UPF2: variants seen among roughly 807,000 people sequenced by gnomAD.
The protein encoded by UPF2 is regulator of nonsense transcripts 2.
In UPF2, 17 loss-of-function variants were observed where a neutral mutation model predicts 141.4. That is an observed-to-expected ratio of 0.12 (90% CI 0.08 to 0.18). UPF2 has a LOEUF of 0.18. Among genes scored for constraint, UPF2 ranks in the 10% least tolerant of loss-of-function variants. The pLI, the probability that UPF2 is intolerant of heterozygous loss-of-function variation, is 1.00. For missense variants in UPF2, 1,152 were observed against 1,515.9 expected, an observed-to-expected ratio of 0.76 and a Z score of 3.99; for synonymous variants, 540 against 498.0, an observed-to-expected ratio of 1.08 and a Z score of -1.12.
At chr10:12,007,847 T>TAATAAA (rs1834060460) in intron 4 of UPF2, among the ~76,000 whole-genome samples, 1 of 131,728 alleles carries the variant, frequency 7.6e-6, no homozygotes, top group African/African-American at 2.6e-5. Flanking sequence ...ATAATAATAA[T>TAATAAA]AATAATAATA....
At chr10:11,951,265 G>A (rs1450132177) in intron 15 of UPF2, among the ~76,000 whole-genome samples, 1 of 152,098 alleles carries the variant, frequency 6.6e-6, no homozygotes, top group Admixed American at 6.6e-5. Flanking sequence ...GTTTTGCCAT[G>A]TTGGCCAGGC....
At chr10:12,027,615 C>G (rs957493124) in intron 3 of UPF2, among the ~76,000 whole-genome samples, 10 of 152,160 alleles carry the variant, frequency 6.6e-5, no homozygotes, top group Admixed American at 4.6e-4. Flanking sequence ...AAACACAAAA[C>G]AAGGATAAGC....
chr10:12,025,417 A>G (rs56209219), intron 3 of UPF2, among the ~76,000 whole-genome samples: 32,249 of 151,928 alleles, frequency 0.21, 3,774 homozygotes, highest in East Asian at 0.46. Context: ...TGGGTGTAGC[A>G]GCGCAGGCCT....
At chr10:11,960,726 T>C (rs573380727) in intron 11 of UPF2, among the ~76,000 whole-genome samples, 15 of 151,656 alleles carry the variant, frequency 9.9e-5, no homozygotes, top group Non-Finnish European at 1.8e-4. Context: ...GCTATGATCA[T>C]GCCACTGCAC....
Position 11,955,463 on chromosome 10 carries a change from C to A in UPF2, c.2619G>T (p.Lys873Asn), listed in dbSNP as rs781330543. The change falls in exon 14 of 22, where the codon AAG (lysine) becomes AAT (asparagine). Residue 873 changes from lysine to asparagine, a missense_variant. Around this residue, in one of 4 missense-constraint regions of UPF2, gnomAD observed 739 missense variants for 1,032.2 expected, o/e 0.72. Transcript: ENST00000357604. ...GGTAATTGTAAAGTTCTCCTAAGAA[C>A]TTGGCACTGCTGATGCGCCTCTGAT... ...KFNQRRISSAKFLGELYNYRM... is the reference protein window; with the variant it reads ...KFNQRRISSANFLGELYNYRM... The A allele has an allele frequency of 6.2e-7, 1 of 1,613,926 alleles. No homozygotes were observed. Among genetic ancestry groups the A allele is most frequent in the Non-Finnish European group, 8.5e-7 (1 of 1,179,984 alleles).
intron 21 of UPF2, among the ~76,000 whole-genome samples, chr10:11,922,440 A>C (rs1412002018): frequency 6.6e-6 from 1 of 152,260 alleles, no homozygotes; most frequent in Non-Finnish European, 1.5e-5. Flanking sequence ...AAAGAACACA[A>C]GTATTCCCTG....
intron 12 of UPF2, among the ~76,000 whole-genome samples, chr10:11,958,276 CAA>C (rs1380078354): frequency 4.6e-5 from 7 of 152,206 alleles, no homozygotes; most frequent in African/African-American, 1.7e-4. Flanking sequence ...AAACCATAAT[CAA>C]AGTCTTTCCA....
chr10:11,967,377 C>A lies in UPF2; in HGVS notation c.2031G>T (p.Lys677Asn). Residue 677 changes from lysine to asparagine, a missense_variant, in exon 10 of 22, where the codon AAG becomes AAT. This residue lies in a region of UPF2 where 739 missense variants were observed against 1,032.2 expected (regional missense o/e 0.72). Coordinates refer to ENST00000357604, the MANE Select transcript of UPF2 (RefSeq NM_015542.4). ...VRFIGELTKF[K>N]MFTKNDTLHC... ...GCAGTGTGTCATTTTTGGTGAACATCTTAAACTTAGTTAGTTCTCCTATAA... is the reference window on the plus strand; with the variant it reads ...GCAGTGTGTCATTTTTGGTGAACATATTAAACTTAGTTAGTTCTCCTATAA... 6.3e-7 allele frequency: 1 copy of A among 1,588,568 alleles called. No homozygotes were observed. Among genetic ancestry groups the A allele is most frequent in the South Asian group, 1.2e-5 (1 of 84,986 alleles).
At chr10:11,967,195 T>C in intron 10 of UPF2, 146 bp downstream of exon 10, 2 of 471,318 alleles carry the variant, frequency 4.2e-6, no homozygotes, top group Non-Finnish European at 7.4e-6. Context: ...GTTTTGTATT[T>C]TGCACACTTG....
At chr10:11,928,738 G>C (rs1355199933) in intron 21 of UPF2, 1 of 347,334 alleles carries the variant, frequency 2.9e-6, no homozygotes, top group Non-Finnish European at 5.6e-6. Flanking sequence ...AACCATAAAA[G>C]AGGTCTTATT....
In UPF2 at chr10:12,029,473, A is replaced by G. The variant is rs779634406; in HGVS notation, c.417T>C (p.His139=). ...TTTTGCTACGAAGTTCCTTTCTTAAATGATGTCGTTCCCAAGCTTCCTGAT... is the reference window on the plus strand; with the variant it reads ...TTTTGCTACGAAGTTCCTTTCTTAAGTGATGTCGTTCCCAAGCTTCCTGAT... The part of the protein sequence containing the change: ...QLHQEAWERH[H]LRKELRSKNQ... The change falls in exon 3 of 22, where the codon CAT becomes CAC. Residue 139 remains histidine (H), a synonymous_variant. Transcript: ENST00000357604. 2 of 1,610,502 alleles carry G rather than the reference A, an allele frequency of 1.2e-6. No individual in the cohort carries two copies. The highest frequency in any genetic ancestry group is 1.1e-5 in the South Asian group (1 of 89,786).
chr10:11,942,589 T>G, intron 18 of UPF2, 76 bp downstream of exon 18: 1 of 1,389,838 alleles, frequency 7.2e-7, no homozygotes. Context: ...AGGAGAGGCC[T>G]TCACATGAAC....
At chr10:11,943,593 C>T (rs577021364) in intron 16 of UPF2, among the ~76,000 whole-genome samples, 45 of 152,266 alleles carry the variant, frequency 3.0e-4, no homozygotes, top group African/African-American at 1.0e-3. Context: ...ACAGCATTAC[C>T]TTTTACAAAG....
intron 2 of UPF2, 132 bp from the exon 3 acceptor site, chr10:12,029,656 C>T: frequency 9.6e-7 from 1 of 1,040,192 alleles, no homozygotes; most frequent in Non-Finnish European, 1.3e-6. Context: ...AAAGGCCTTT[C>T]ACTACTTTTA....
chr10:12,004,005 G>A (rs1471149705), intron 5 of UPF2, among the ~76,000 whole-genome samples: 14 of 151,424 alleles, frequency 9.2e-5, no homozygotes, highest in Admixed American at 5.3e-4. Context: ...ACAGTAACCC[G>A]GGTGAGAGAG....
At chr10:11,965,818 T>G (rs1461077543) in intron 10 of UPF2, among the ~76,000 whole-genome samples, 3 of 152,206 alleles carry the variant, frequency 2.0e-5, no homozygotes, top group Non-Finnish European at 4.4e-5. Context: ...TGTTTAATTT[T>G]GTTTACCTCA....
At chr10:11,946,625 G>A (rs1477115714) in intron 16 of UPF2, among the ~76,000 whole-genome samples, 2 of 152,024 alleles carry the variant, frequency 1.3e-5, no homozygotes, top group East Asian at 1.9e-4. Flanking sequence ...TATTCTATTC[G>A]TATCTTTACT....
In UPF2 at chr10:11,942,982, C is replaced by A. The variant is rs878863894; in HGVS notation, c.3279+82G>T. 50 of 1,105,178 alleles carry A rather than the reference C, an allele frequency of 4.5e-5. No individual in the cohort carries two copies. The African/African-American group carries it at 6.5e-4, about 14-fold the overall frequency. The allele number at this position is 1,105,178 out of a possible 1,614,324, so 68.5% of individuals were successfully genotyped here. A position where few individuals can be genotyped will look rare whatever the true frequency, so the allele number is the denominator to read the frequency against. On this transcript the variant is annotated intron_variant, in intron 17 of 21. Transcript: ENST00000357604. Reference sequence around the variant, plus strand: ...AAATATTTTTCATAATCAAAAGAAACAAATTCAGTTTCGTGACTAAAATTC... The same window carrying A: ...AAATATTTTTCATAATCAAAAGAAAAAAATTCAGTTTCGTGACTAAAATTC...
intron 19 of UPF2, among the ~76,000 whole-genome samples, chr10:11,932,256 AT>A (rs1354367412): frequency 6.6e-6 from 1 of 152,060 alleles, no homozygotes. Flanking sequence ...CAGGGTGGCC[AT>A]TTTTCCCCCT....
Sources: gnomAD v4.1 joint callset for allele counts (sites outside exome capture counted in the v4.1 genomes callset) on GRCh38, gnomAD v4.1.1 for gene constraint, gnomAD v4.1.1 regional missense constraint, MANE v1.5 for transcripts, NCBI Gene and HGNC (gene_info 2026-07-23, HGNC 2026-07-21) for gene names.